MACF1: variants seen among roughly 807,000 people sequenced by gnomAD.
The protein encoded by MACF1 is microtubule actin crosslinking factor 1.
Under a neutral mutation model 854.8 loss-of-function variants are expected in MACF1, and 193 were observed. That is an observed-to-expected ratio of 0.23 (90% CI 0.20 to 0.25). The LOEUF is 0.25. Among genes scored for constraint, MACF1 ranks in the 10% least tolerant of loss-of-function variants. The probability of loss-of-function intolerance (pLI) is 1.00; values close to 1 mark genes in which losing one functional copy is unlikely to be tolerated. For synonymous variants in MACF1, 3,185 were observed against 3,226.7 expected, an observed-to-expected ratio of 0.99 and a Z score of 0.44; for missense variants, 7,722 against 8,929.1, an observed-to-expected ratio of 0.86 and a Z score of 5.45.
intron 66 of MACF1, among the ~76,000 whole-genome samples, chr1:39,431,814 A>G (rs1643879349): frequency 6.6e-6 from 1 of 152,086 alleles, no homozygotes; most frequent in Non-Finnish European, 1.5e-5. Flanking sequence ...CTCTACAGAA[A>G]TATTTAAAAA....
intron 2 of MACF1, 58 bp downstream of exon 2, chr1:39,231,301 T>G: frequency 6.8e-7 from 1 of 1,462,900 alleles, no homozygotes; most frequent in Middle Eastern, 1.7e-4. Flanking sequence ...CATCTGGATC[T>G]GTCATTCCTT....
intron 90 of MACF1, 87 bp downstream of exon 90, chr1:39,458,577 A>G (rs1169390508): frequency 7.5e-6 from 11 of 1,473,264 alleles, no homozygotes; most frequent in Non-Finnish European, 7.2e-6. Flanking sequence ...AAAAAATTAT[A>G]TTCCATTTTC....
Position 39,340,656 on chromosome 1 carries a change from CTG to C in MACF1, c.10373_10374del (p.Val3458GlufsTer2). Reference sequence around the variant, plus strand: ...AAGAATCTTCAGAAGTCTCTCAGCTCTGTGAGTGACACTTGGAATTCCAGGCT... The same window carrying C: ...AAGAATCTTCAGAAGTCTCTCAGCTCTGAGTGACACTTGGAATTCCAGGCT... On this transcript the variant is annotated frameshift_variant, in exon 39 of 101. Transcript: ENST00000564288. LOFTEE classifies it high-confidence loss of function. 6.2e-7 allele frequency: 1 copy of C among 1,614,164 alleles called. No homozygotes were observed. Among genetic ancestry groups the C allele is most frequent in the Non-Finnish European group, 8.5e-7 (1 of 1,180,004 alleles).
At chr1:39,204,424 C>G (rs558604846), upstream of MACF1, 2 of 152,982 alleles carry the variant, frequency 1.3e-5, no homozygotes, top group Admixed American at 1.3e-4. Context: ...AGGCTCCTTG[C>G]TTCTCCTCCC....
intron 2 of MACF1, among the ~76,000 whole-genome samples, chr1:39,139,149 C>T (rs1643259691): frequency 6.6e-6 from 1 of 152,216 alleles, no homozygotes. Context: ...TTCAAATTCA[C>T]AGATAACTAC....
intron 2 of MACF1, among the ~76,000 whole-genome samples, chr1:39,113,393 A>G (rs976326389): frequency 7.2e-5 from 11 of 152,206 alleles, no homozygotes; most frequent in African/African-American, 2.4e-4. Context: ...AAACACTTCA[A>G]GCAAGCCCTT....
intron 58 of MACF1, among the ~76,000 whole-genome samples, chr1:39,392,193 G>A (rs1039943931): frequency 3.3e-5 from 5 of 152,110 alleles, no homozygotes; most frequent in African/African-American, 1.2e-4. Context: ...GCATATTCTT[G>A]GCTGAACTCA....
chr1:39,096,124 G>A (rs778774480), intron 2 of MACF1, among the ~76,000 whole-genome samples: 25 of 148,950 alleles, frequency 1.7e-4, no homozygotes, highest in Admixed American at 9.5e-4. Context: ...ACCCATGATC[G>A]CACCACTGCA....
intron 2 of MACF1, among the ~76,000 whole-genome samples, chr1:39,173,350 A>AG (rs1643979070): frequency 6.3e-5 from 8 of 127,724 alleles, no homozygotes; most frequent in African/African-American, 1.2e-4. Context: ...AAAAAAAAAA[A>AG]AAAAGAAAGA....
intron 2 of MACF1, among the ~76,000 whole-genome samples, chr1:39,179,147 A>G (rs1400546865): frequency 1.3e-5 from 2 of 152,086 alleles, no homozygotes; most frequent in African/African-American, 4.8e-5. Context: ...CCCTTATTCA[A>G]TTTCATTTTT....
At position 39,253,509 on chromosome 1, in the gene MACF1, A is replaced by ATTTT. The variant is rs34578005; in HGVS notation, c.358-770_358-767dup. Among the ~76,000 whole-genome samples, 369 of 91,462 alleles carry ATTTT rather than the reference A, an allele frequency of 4.0e-3. 7 individuals are homozygous for ATTTT. The highest frequency in any genetic ancestry group is 5.5e-3 in the Non-Finnish European group (270 of 49,134). 60.0% of individuals were successfully genotyped at this position (91,462 alleles called of 152,430 possible). ...CTATGGTTAAAAATCAGCTATCTGT[A>ATTTT]TTTTTTTTTTTTTTTTTTTTTTGAG... On this transcript the variant is annotated intron_variant, in intron 4 of 100. Transcript: ENST00000564288.
intron 14 of MACF1, among the ~76,000 whole-genome samples, chr1:39,286,821 C>T (rs1645652983): frequency 6.6e-6 from 1 of 152,138 alleles, no homozygotes; most frequent in East Asian, 1.9e-4. Context: ...GTATTGTTAG[C>T]TTCCCTCCAG....
chr1:39,339,216 C>T (rs1646883933), intron 38 of MACF1, among the ~76,000 whole-genome samples: 1 of 152,126 alleles, frequency 6.6e-6, no homozygotes, highest in Non-Finnish European at 1.5e-5. Context: ...GAATGCATCA[C>T]TGCACTCCAG....
chr1:39,210,699 G>A (rs1471536943), intron 1 of MACF1, among the ~76,000 whole-genome samples: 1 of 152,136 alleles, frequency 6.6e-6, no homozygotes, highest in Admixed American at 6.5e-5. Context: ...AACTTTCTGT[G>A]ATTCTGATTC....
chr1:39,387,072 G>A (rs998307574), intron 57 of MACF1, 115 bp from the exon 58 acceptor site: 5 of 1,116,478 alleles, frequency 4.5e-6, no homozygotes, highest in African/African-American at 1.6e-5. Context: ...CTTTTTGGTA[G>A]GCCCTCAAGT....
Position 39,424,198 on chromosome 1 carries a change from A to G in MACF1, c.16316+4A>G. 6.2e-7 allele frequency: 1 copy of G among 1,611,300 alleles called. No homozygotes were observed. ...TACTCAGTAAGGCAGCAGCCAGGTA[A>G]GATCAAAGGAATTTTGAGGAGTGGG... On this transcript the variant is annotated splice_donor_region_variant and intron_variant, in intron 61 of 100. Coordinates refer to ENST00000564288, the MANE Select transcript of MACF1 (RefSeq NM_001394062.1).
chr1:39,185,932 C>T (rs1644163091), intron 2 of MACF1, among the ~76,000 whole-genome samples: 1 of 152,072 alleles, frequency 6.6e-6, no homozygotes, highest in African/African-American at 2.4e-5. Flanking sequence ...TGGGAGCCCC[C>T]TGAGGGTAAT....
chr1:39,145,455 G>T (rs1474749615), intron 2 of MACF1, among the ~76,000 whole-genome samples: 2 of 151,814 alleles, frequency 1.3e-5, no homozygotes, highest in Non-Finnish European at 2.9e-5. Context: ...AGATATTCAG[G>T]TTTTCTCCAT....
chr1:39,164,455 A>G, intron 2 of MACF1, among the ~76,000 whole-genome samples: 1 of 152,200 alleles, frequency 6.6e-6, no homozygotes, highest in East Asian at 1.9e-4. Context: ...TTATCCAGTT[A>G]ATTTCATGGT....
Sources: allele counts gnomAD v4.1 joint callset (sites outside exome capture counted in the v4.1 genomes callset), GRCh38; gene constraint gnomAD v4.1.1; transcripts MANE v1.5; gene names NCBI Gene and HGNC (gene_info 2026-07-23, HGNC 2026-07-21).